SUPT16H: variants seen among roughly 807,000 people sequenced by gnomAD.
SUPT16H encodes the protein FACT complex subunit SPT16.
A neutral mutation model predicts 136.2 loss-of-function variants in SUPT16H; 24 were observed. That is an observed-to-expected ratio of 0.18 (90% CI 0.13 to 0.25). The LOEUF (loss-of-function observed/expected upper bound fraction) is 0.25. Among genes scored for constraint, SUPT16H ranks in the 10% least tolerant of loss-of-function variants. The pLI is 1.00. For missense variants in SUPT16H, 623 were observed against 1,270.2 expected (o/e 0.49, Z 7.74); for synonymous variants, 415 against 428.2 (o/e 0.97, Z 0.38).
rs561051171 is a variant in SUPT16H, at chr14:21,373,540, G to C, written c.67-110C>G. 25 of 857,962 alleles carry C rather than the reference G, an allele frequency of 2.9e-5. No individual in the cohort carries two copies. The East Asian group carries it at 6.0e-4, about 20-fold the overall frequency. 53.1% of individuals were successfully genotyped at this position (857,962 alleles called of 1,614,324 possible). On this transcript the variant is annotated intron_variant, in intron 1 of 25. Coordinates refer to ENST00000216297, the MANE Select transcript of SUPT16H (RefSeq NM_007192.4). ...AATTTTCTCCTGATAGAAATTTCAA[G>C]TTTAAGGTACATGCCTGTTTGGCAG...
At position 21,379,870 on chromosome 14, in the gene SUPT16H, G is replaced by C. The variant is rs552455217; in HGVS notation, c.66+3992C>G. Among the ~76,000 whole-genome samples the C allele has an allele frequency of 1.3e-3, 184 of 141,802 alleles. 1 individual carries two copies. Among genetic ancestry groups the C allele is most frequent in the Admixed American group, 1.9e-3 (25 of 13,460 alleles). 93.0% of individuals were successfully genotyped at this position (141,802 alleles called of 152,430 possible). A position where few individuals can be genotyped will look rare whatever the true frequency, so the allele number is the denominator to read the frequency against. On this transcript the variant is annotated intron_variant, in intron 1 of 25. Transcript: ENST00000216297. ...ATTGCAATCCAGCCTCAGCCACAGA[G>C]TGAAACTCAAAAAACAAACAAACAA...
At chr14:21,359,875 C>T (rs1886513715) in intron 18 of SUPT16H, among the ~76,000 whole-genome samples, 1 of 152,162 alleles carries the variant, frequency 6.6e-6, no homozygotes, top group East Asian at 1.9e-4. Context: ...AAAGAGAAAT[C>T]TGGAGATCTC....
chr14:21,369,935 C>T, intron 4 of SUPT16H, 39 bp from the exon 5 acceptor site: 1 of 1,604,540 alleles, frequency 6.2e-7, no homozygotes, highest in Non-Finnish European at 8.5e-7. Flanking sequence ...CATGCAAGTA[C>T]AGAATTACAA....
chr14:21,357,157 C>T (rs1362184381), intron 22 of SUPT16H, 40 bp downstream of exon 22: 1 of 1,498,294 alleles, frequency 6.7e-7, no homozygotes, highest in Admixed American at 2.1e-5. Context: ...TAAAACAGGG[C>T]TCATGGGCTA....
intron 7 of SUPT16H, 131 bp from the exon 8 acceptor site, chr14:21,366,660 T>TTTTG (rs1886675430): frequency 1.3e-6 from 1 of 788,054 alleles, no homozygotes; most frequent in East Asian, 2.6e-5. Flanking sequence ...CACTCACTTT[T>TTTTG]TTTTTTTGAG....
In SUPT16H at chr14:21,377,920, G is replaced by A. The variant is rs534600368; in HGVS notation, c.67-4490C>T. Among the ~76,000 whole-genome samples the A allele has an allele frequency of 1.8e-3, 278 of 152,280 alleles. 1 individual carries two copies. Among genetic ancestry groups the A allele is most frequent in the African/African-American group, 6.4e-3 (265 of 41,550 alleles). ...ATTACAGGCGTGAATGAACCACTGCGCCTGGCCCATCTTTTCTTACGAAGT... is the reference window on the plus strand; with the variant it reads ...ATTACAGGCGTGAATGAACCACTGCACCTGGCCCATCTTTTCTTACGAAGT... On this transcript the variant is annotated intron_variant, in intron 1 of 25. Coordinates refer to ENST00000216297, the MANE Select transcript of SUPT16H (RefSeq NM_007192.4).
Position 21,369,197 on chromosome 14 carries a change from T to C in SUPT16H, c.782+7A>G. 6.8e-6 allele frequency: 11 copies of C among 1,612,876 alleles called. No homozygotes were observed. The highest frequency in any genetic ancestry group is 1.3e-5 in the African/African-American group (1 of 74,996). ...AATGCTATATTATGAAGTCTTCATA[T>C]ACTTACCTCACCACACTGAACTTGA... On this transcript the variant is annotated splice_region_variant and intron_variant, in intron 6 of 25. Coordinates refer to ENST00000216297, the MANE Select transcript of SUPT16H (RefSeq NM_007192.4).
intron 7 of SUPT16H, 26 bp from the exon 8 acceptor site, chr14:21,366,555 T>C (rs1886671998): frequency 1.9e-6 from 3 of 1,591,588 alleles, no homozygotes; most frequent in Admixed American, 1.8e-5. Context: ...AAAGGAGATA[T>C]TAAAGTATCT....
Position 21,366,435 on chromosome 14 carries a change from A to G in SUPT16H, c.1046+4T>C. On this transcript the variant is annotated splice_donor_region_variant and intron_variant, in intron 8 of 25. Transcript: ENST00000216297. ...CAAGAATGACAATAGACATCATGGCATACCCTAGGTTTTTGGTAATTTTGT... is the reference window on the plus strand; with the variant it reads ...CAAGAATGACAATAGACATCATGGCGTACCCTAGGTTTTTGGTAATTTTGT... 6.2e-7 allele frequency: 1 copy of G among 1,613,830 alleles called. No individual in the cohort carries two copies.
chr14:21,355,776 A>G (rs994697897), intron 22 of SUPT16H, among the ~76,000 whole-genome samples: 2 of 152,168 alleles, frequency 1.3e-5, no homozygotes, highest in Non-Finnish European at 2.9e-5. Context: ...AGAAATGACA[A>G]TAGTAAGGAT....
At chr14:21,383,511 G>C in intron 1 of SUPT16H, 1 of 632,182 alleles carries the variant, frequency 1.6e-6, no homozygotes, top group Non-Finnish European at 2.8e-6. Context: ...GGGACAGAGC[G>C]AGTGCGTGAG....
At chr14:21,369,507 C>T in intron 5 of SUPT16H, 152 bp from the exon 6 acceptor site, 1 of 1,070,736 alleles carries the variant, frequency 9.3e-7, no homozygotes, top group Non-Finnish European at 1.3e-6. Flanking sequence ...AGGCAAAACA[C>T]ATTTGGAGAA....
intron 22 of SUPT16H, among the ~76,000 whole-genome samples, chr14:21,356,205 G>A (rs900997824): frequency 1.3e-5 from 2 of 152,060 alleles, no homozygotes; most frequent in African/African-American, 4.8e-5. Context: ...GAGATCTGCA[G>A]AGGGGTCCCC....
chr14:21,354,614 CAG>C (rs1594296137), intron 22 of SUPT16H, 74 bp from the exon 23 acceptor site: 7 of 1,559,210 alleles, frequency 4.5e-6, no homozygotes, highest in South Asian at 1.2e-5. Context: ...TTTTTTGAGA[CAG>C]AGTCTTGCTC....
At chr14:21,369,489 T>C in intron 5 of SUPT16H, 134 bp from the exon 6 acceptor site, 1 of 1,227,202 alleles carries the variant, frequency 8.1e-7, no homozygotes, top group Non-Finnish European at 1.1e-6. Context: ...GGTAATATAT[T>C]GGTATGCAGG....
At chr14:21,357,010 G>A (rs192628399) in intron 22 of SUPT16H, among the ~76,000 whole-genome samples, 187 bp downstream of exon 22, 172 of 152,250 alleles carry the variant, frequency 1.1e-3, no homozygotes, top group Middle Eastern at 3.4e-3. Flanking sequence ...CTATTGTTGG[G>A]AATTCAAGAA....
chr14:21,362,971 TGA>T, intron 13 of SUPT16H, 24 bp from the exon 14 acceptor site: 1 of 1,613,054 alleles, frequency 6.2e-7, no homozygotes, highest in Non-Finnish European at 8.5e-7. Context: ...AAAAAACAAC[TGA>T]GAAATTTCTG....
At chr14:21,362,633 A>G (rs1012094326) in intron 14 of SUPT16H, among the ~76,000 whole-genome samples, 161 bp downstream of exon 14, 2 of 152,210 alleles carry the variant, frequency 1.3e-5, no homozygotes, top group Admixed American at 1.3e-4. Flanking sequence ...AAAAAACTGA[A>G]AGAGGAAGGA....
At chr14:21,357,858 TAA>T in intron 21 of SUPT16H, 67 bp downstream of exon 21, 1 of 1,423,898 alleles carries the variant, frequency 7.0e-7, no homozygotes, top group Non-Finnish European at 9.8e-7. Flanking sequence ...ATAATTAGGA[TAA>T]AAAACACCTA....
Sources: allele counts gnomAD v4.1 joint callset (sites outside exome capture counted in the v4.1 genomes callset), GRCh38; gene constraint gnomAD v4.1.1; transcripts MANE v1.5; gene names NCBI Gene and HGNC (gene_info 2026-07-23, HGNC 2026-07-21).